NID2: variants seen among roughly 807,000 people sequenced by gnomAD.
NID2 encodes the protein nidogen-2.
NID2 carries 83 observed loss-of-function variants against 145.4 expected under a neutral mutation model. The observed-to-expected ratio is 0.57, with a 90% CI of 0.48 to 0.69. The LOEUF (loss-of-function observed/expected upper bound fraction) is 0.69. NID2 is among the 30% of genes least tolerant of loss of function. The pLI, the probability that NID2 is intolerant of heterozygous loss-of-function variation, is 0.00. For synonymous variants in NID2, 739 were observed against 701.3 expected, an observed-to-expected ratio of 1.05 and a Z score of -0.85; for missense variants, 1,807 against 1,765.7, an observed-to-expected ratio of 1.02 and a Z score of -0.42.
chr14:52,043,045 T>C, intron 5 of NID2, 114 bp from the exon 6 acceptor site: 1 of 1,021,082 alleles, frequency 9.8e-7, no homozygotes, highest in African/African-American at 1.6e-5. Context: ...CAAACAGTTT[T>C]TGATGTTTAA....
intron 11 of NID2, among the ~76,000 whole-genome samples, chr14:52,028,275 T>TG (rs1350601731): frequency 4.4e-3 from 125 of 28,376 alleles, no homozygotes; most frequent in Non-Finnish European, 0.01. Flanking sequence ...ATTTTGTTGT[T>TG]TTTTTTTTTG....
At chr14:52,030,569 G>GA (rs1891800402) in intron 9 of NID2, among the ~76,000 whole-genome samples, 3 of 31,954 alleles carry the variant, frequency 9.4e-5, no homozygotes, top group African/African-American at 2.1e-4. Context: ...AGAAAGAAAG[G>GA]AAGGAAGGGA....
At chr14:52,032,535 G>T (rs61973161) in intron 9 of NID2, among the ~76,000 whole-genome samples, 70 of 152,010 alleles carry the variant, frequency 4.6e-4, no homozygotes, top group Non-Finnish European at 8.2e-4. Flanking sequence ...TAAGGACAAG[G>T]TCATGTCTTC....
intron 16 of NID2, 48 bp from the exon 17 acceptor site, chr14:52,011,731 C>G: frequency 6.2e-7 from 1 of 1,609,492 alleles, no homozygotes; most frequent in Non-Finnish European, 8.5e-7. Context: ...TACATTTCCC[C>G]TTTGTTCACA....
At chr14:52,063,937 CTT>C (rs547026490) in intron 2 of NID2, among the ~76,000 whole-genome samples, 29 of 152,328 alleles carry the variant, frequency 1.9e-4, no homozygotes, top group African/African-American at 6.5e-4. Context: ...TCCTGATACT[CTT>C]CAGCAAAACG....
rs1337305039 is a variant in NID2 at position 52,011,773 on chromosome 14, G to A, written c.3421-90C>T. On this transcript the variant is annotated intron_variant, in intron 16 of 21. Transcript: ENST00000216286. ...TGCCTTGCTCATGCACAGCTGCAGTGAGCAACACTGCACTGTGATCCTGCA... is the reference window on the plus strand; with the variant it reads ...TGCCTTGCTCATGCACAGCTGCAGTAAGCAACACTGCACTGTGATCCTGCA... 5.5e-6 allele frequency: 8 copies of A among 1,446,790 alleles called. No individual in the cohort carries two copies. In the African/African-American group the frequency reaches 9.8e-5, roughly 18 times the overall value. 89.6% of individuals were successfully genotyped at this position (1,446,790 alleles called of 1,614,324 possible). A position where few individuals can be genotyped will look rare whatever the true frequency, so the allele number is the denominator to read the frequency against.
In NID2 at chr14:52,060,136, T is replaced by C; in HGVS notation, c.755A>G (p.Lys252Arg). The C allele has an allele frequency of 1.2e-6, 2 of 1,603,052 alleles. No homozygotes were observed. The highest frequency in any genetic ancestry group is 1.7e-6 in the Non-Finnish European group (2 of 1,171,336). Residue 252 changes from lysine (K) to arginine (R), a missense_variant, in exon 3 of 22, where the codon AAA becomes AGA. Transcript: ENST00000216286. ...CAATGTTACTTACTGATAGAGATTT[T>C]TCACAGACTGTTCAGTGCTAGTCAA... Reference protein sequence around the residue: ...FSLTSTEQSVKNLYQLSNLGI... With the variant: ...FSLTSTEQSVRNLYQLSNLGI...
At chr14:52,064,656 G>A (rs752199269) in intron 2 of NID2, among the ~76,000 whole-genome samples, 5 of 152,106 alleles carry the variant, frequency 3.3e-5, no homozygotes, top group East Asian at 3.9e-4. Context: ...CAACCATAGC[G>A]GGCAACCTTG....
At chr14:52,011,182 C>T (rs1416466388) in intron 17 of NID2, 135 bp from the exon 18 acceptor site, 9 of 757,542 alleles carry the variant, frequency 1.2e-5, no homozygotes, top group Non-Finnish European at 1.9e-5. Flanking sequence ...CCCCAAGAAC[C>T]AGGTTAATAG....
Position 52,067,928 on chromosome 14 carries a change from G to C in NID2, c.464C>G (p.Ala155Gly), listed in dbSNP as rs1305823252. The change falls in exon 2 of 22, where the codon GCC (alanine) becomes GGC (glycine). Residue 155 changes from alanine (A) to glycine (G), a missense_variant. Ala to Gly is a moderately conservative substitution (Grantham distance 60). Coordinates refer to ENST00000216286, the MANE Select transcript of NID2 (RefSeq NM_007361.4). ...PRSARFTPTH[A>G]FLATWEQVGA... Reference sequence around the variant, plus strand: ...TACCTGCTCCCAGGTGGCCAGGAAGGCGTGGGTGGGGGTAAAGCGCGCAGA... The same window carrying C: ...TACCTGCTCCCAGGTGGCCAGGAAGCCGTGGGTGGGGGTAAAGCGCGCAGA... 1.2e-6 allele frequency: 2 copies of C among 1,612,624 alleles called. No individual in the cohort carries two copies. The highest frequency in any genetic ancestry group is 1.7e-6 in the Non-Finnish European group (2 of 1,179,706).
intron 2 of NID2, among the ~76,000 whole-genome samples, chr14:52,061,672 T>C (rs1893023856): frequency 6.6e-6 from 1 of 152,176 alleles, no homozygotes. Flanking sequence ...GGAGCCTGAA[T>C]CAGCTGCCAA....
chr14:52,050,108 T>C (rs1162897312), intron 5 of NID2, among the ~76,000 whole-genome samples: 1 of 152,226 alleles, frequency 6.6e-6, no homozygotes. Flanking sequence ...TAACTCATCA[T>C]GCAGATTGAG....
At chr14:52,011,482 A>T in intron 17 of NID2, 72 bp downstream of exon 17, 1 of 1,592,102 alleles carries the variant, frequency 6.3e-7, no homozygotes, top group Non-Finnish European at 8.6e-7. Context: ...TCGAGGGGAG[A>T]CTTCGGCGTA....
chr14:52,061,054 T>G (rs1168214076), intron 2 of NID2, among the ~76,000 whole-genome samples: 1 of 152,152 alleles, frequency 6.6e-6, no homozygotes, highest in African/African-American at 2.4e-5. Flanking sequence ...TAACCCCTCC[T>G]CAACATGGCA....
chr14:52,006,700 T>A (rs773846599), intron 19 of NID2, 40 bp from the exon 20 acceptor site: 1 of 1,609,110 alleles, frequency 6.2e-7, no homozygotes, highest in African/African-American at 1.3e-5. Context: ...CTTCAGCTGC[T>A]TTGCCAAAAA....
intron 9 of NID2, among the ~76,000 whole-genome samples, chr14:52,035,273 T>A (rs1184871987): frequency 6.6e-6 from 1 of 152,200 alleles, no homozygotes; most frequent in African/African-American, 2.4e-5. Context: ...TATGCATCCT[T>A]CTCCTTCTTC....
At chr14:52,014,930 A>G in intron 15 of NID2, 124 bp downstream of exon 15, 2 of 781,430 alleles carry the variant, frequency 2.6e-6, no homozygotes, top group Admixed American at 2.3e-5. Flanking sequence ...TCAACATAGC[A>G]CATAGTGACT....
intron 9 of NID2, among the ~76,000 whole-genome samples, chr14:52,034,651 G>T (rs139072339): frequency 9.7e-4 from 147 of 152,304 alleles, no homozygotes; most frequent in African/African-American, 3.4e-3. Context: ...TATTGCTGAA[G>T]CAACACTTCT....
At chr14:52,010,114 AG>A (rs1282276514) in intron 18 of NID2, 1 of 152,268 alleles carries the variant, frequency 6.6e-6, no homozygotes, top group Non-Finnish European at 1.5e-5. Context: ...AGAAGGATAC[AG>A]GTACTTTTCC....
Sources: allele counts gnomAD v4.1 joint callset (sites outside exome capture counted in the v4.1 genomes callset), GRCh38; gene constraint gnomAD v4.1.1; transcripts MANE v1.5; gene names NCBI Gene and HGNC (gene_info 2026-07-23, HGNC 2026-07-21).